The following SLC35D4 variants were observed in gnomAD, a reference collection of about 807,000 sequenced individuals.
SLC35D4 encodes solute carrier family 35 member D4, also known as UDP-N-acetylglucosamine transporter SLC35D4.
the SLC35D4 span, among the ~76,000 whole-genome samples, chr18:23,290,427 C>A: frequency 6.6e-6 from 1 of 152,174 alleles, no homozygotes; most frequent in Non-Finnish European, 1.5e-5. Context: ...CTCAGTTATC[C>A]TTCACCTGAA....
chr18:23,324,661 G>C, the SLC35D4 span, among the ~76,000 whole-genome samples: 1 of 152,182 alleles, frequency 6.6e-6, no homozygotes, highest in Non-Finnish European at 1.5e-5. Context: ...GGCAGACTCT[G>C]AATGTTATGG....
chr18:23,416,242 G>A, the SLC35D4 span, among the ~76,000 whole-genome samples: 1 of 152,150 alleles, frequency 6.6e-6, no homozygotes, highest in African/African-American at 2.4e-5. Flanking sequence ...AGGGAATGGG[G>A]GCCTCTTTGA....
chr18:23,264,507 C>T, the SLC35D4 span, among the ~76,000 whole-genome samples: 2 of 151,912 alleles, frequency 1.3e-5, no homozygotes, highest in African/African-American at 2.4e-5. Context: ...GGATCACAGG[C>T]GCGCGCCACT....
At chr18:23,276,685 C>T in the SLC35D4 span, among the ~76,000 whole-genome samples, 2 of 152,200 alleles carry the variant, frequency 1.3e-5, no homozygotes, top group African/African-American at 2.4e-5. Flanking sequence ...TGGCACATAC[C>T]GCCAAGTCAA....
chr18:23,278,377 A>G, the SLC35D4 span, among the ~76,000 whole-genome samples: 9 of 152,220 alleles, frequency 5.9e-5, no homozygotes, highest in East Asian at 1.3e-3. Flanking sequence ...CACAATGCAT[A>G]TAAGTCAGAG....
At chr18:23,397,148 G>C in the SLC35D4 span, among the ~76,000 whole-genome samples, 1 of 152,164 alleles carries the variant, frequency 6.6e-6, no homozygotes, top group Non-Finnish European at 1.5e-5. Flanking sequence ...ATTACAGCCT[G>C]CTCTCCATAT....
chr18:23,427,380 A>G, the SLC35D4 span, among the ~76,000 whole-genome samples: 3 of 152,212 alleles, frequency 2.0e-5, no homozygotes, highest in Non-Finnish European at 4.4e-5. Context: ...ACACTTCTCA[A>G]AAGAAGACAT....
At chr18:23,382,216 G>A in the SLC35D4 span, among the ~76,000 whole-genome samples, 1 of 148,308 alleles carries the variant, frequency 6.7e-6, no homozygotes, top group Non-Finnish European at 1.5e-5. Flanking sequence ...CTCCAGCCCA[G>A]GTGACAGTGT....
the SLC35D4 span, chr18:23,352,224 T>C: frequency 1.2e-4 from 200 of 1,612,376 alleles, 4 homozygotes; most frequent in Admixed American, 3.3e-3. Flanking sequence ...GGCTGCACAC[T>C]GCCCTGGGGC....
chr18:23,432,507 C>T, the SLC35D4 span, among the ~76,000 whole-genome samples: 1 of 151,716 alleles, frequency 6.6e-6, no homozygotes, highest in Non-Finnish European at 1.5e-5. Context: ...ATAGTGAAAC[C>T]CCGTCTCTAC....
the SLC35D4 span, among the ~76,000 whole-genome samples, chr18:23,416,641 GTAC>G: frequency 6.6e-6 from 1 of 152,162 alleles, no homozygotes; most frequent in African/African-American, 2.4e-5. Context: ...ACCAGCTCAG[GTAC>G]AAGATCTACC....
the SLC35D4 span, among the ~76,000 whole-genome samples, chr18:23,292,336 C>T: frequency 4.4e-4 from 67 of 152,358 alleles, no homozygotes; most frequent in African/African-American, 1.4e-3. Flanking sequence ...TGGAAACACG[C>T]AGAGTGATAG....
At chr18:23,359,172 G>C in the SLC35D4 span, among the ~76,000 whole-genome samples, 2 of 152,082 alleles carry the variant, frequency 1.3e-5, no homozygotes, top group African/African-American at 4.8e-5. Context: ...GAATCACGAG[G>C]TCAGGAGTTC....
chr18:23,299,554 G>A, the SLC35D4 span, among the ~76,000 whole-genome samples: 1 of 152,174 alleles, frequency 6.6e-6, no homozygotes, highest in Admixed American at 6.5e-5. Flanking sequence ...CCTTCCCCAC[G>A]CTGACCCAGG....
the SLC35D4 span, chr18:23,437,717 C>A: frequency 4.3e-4 from 659 of 1,539,170 alleles, 3 homozygotes; most frequent in Non-Finnish European, 9.1e-5. Context: ...CCGTTTGTCA[C>A]GGGAAGATTC....
chr18:23,382,148 G>A, the SLC35D4 span, among the ~76,000 whole-genome samples: 3 of 149,458 alleles, frequency 2.0e-5, no homozygotes, highest in Non-Finnish European at 4.4e-5. Context: ...GCTGAGGCAG[G>A]AGAATCGCTT....
the SLC35D4 span, among the ~76,000 whole-genome samples, chr18:23,420,657 T>C: frequency 1.3e-5 from 2 of 152,090 alleles, no homozygotes; most frequent in African/African-American, 4.8e-5. Context: ...ATTACAGGCA[T>C]GAGCCACCAT....
chr18:23,321,040 G>A, the SLC35D4 span, among the ~76,000 whole-genome samples: 1 of 152,154 alleles, frequency 6.6e-6, no homozygotes, highest in South Asian at 2.1e-4. Context: ...CAATATGACT[G>A]CCTAAACTCT....
At chr18:23,435,316 A>G in the SLC35D4 span, among the ~76,000 whole-genome samples, 4 of 152,144 alleles carry the variant, frequency 2.6e-5, no homozygotes, top group Non-Finnish European at 5.9e-5. Flanking sequence ...CTTTCATGAC[A>G]GATGTGTTAA....
Sources: gnomAD v4.1 joint callset for allele counts (sites outside exome capture counted in the v4.1 genomes callset) on GRCh38, gnomAD v4.1.1 for gene constraint, MANE v1.5 for transcripts, NCBI Gene and HGNC (gene_info 2026-07-23, HGNC 2026-07-21) for gene names.